Variants in EHMT1 observed in about 807,000 individuals in gnomAD.
The protein encoded by EHMT1 is histone-lysine N-methyltransferase EHMT1.
In EHMT1, 15 loss-of-function variants were observed where a neutral mutation model predicts 147.2. The ratio of observed to expected loss-of-function variants is 0.10; its 90% CI spans 0.07 to 0.16. The LOEUF (loss-of-function observed/expected upper bound fraction) is 0.16. Among genes scored for constraint, EHMT1 ranks in the 10% least tolerant of loss-of-function variants. The pLI is 1.00. For missense variants in EHMT1, 1,587 were observed against 1,772.4 expected (o/e 0.90, Z 1.88); for synonymous variants, 795 against 709.6 (o/e 1.12, Z -1.91).
intron 1 of EHMT1, among the ~76,000 whole-genome samples, chr9:137,675,938 T>C (rs1470880735): frequency 6.7e-6 from 1 of 149,128 alleles, no homozygotes; most frequent in Non-Finnish European, 1.5e-5. Context: ...CGCCCGCCAC[T>C]ACGCCCGGCT....
At chr9:137,671,876 A>G (rs1940700159) in intron 1 of EHMT1, among the ~76,000 whole-genome samples, 1 of 152,162 alleles carries the variant, frequency 6.6e-6, no homozygotes, top group Admixed American at 6.6e-5. Flanking sequence ...CCAACCCTGC[A>G]GTGCTGTGGT....
chr9:137,834,024 C>T (rs1956415994), intron 25 of EHMT1: 3 of 422,402 alleles, frequency 7.1e-6, no homozygotes, highest in Non-Finnish European at 1.3e-5. Flanking sequence ...CCCCATGGGT[C>T]CTCGGGTGGG....
rs1943843956 is a variant in EHMT1 at position 137,701,670 on chromosome 9, C to T, written c.22-9297C>T. On this transcript the variant is annotated intron_variant, in intron 1 of 26. Transcript: ENST00000460843. The stretch of plus-strand genomic sequence containing the variant: ...GAGATGGAGTTTTGCTCTTGTTGCC[C>T]AGGCTGGAGTGCAATGGTGTGATCT... Among the ~76,000 whole-genome samples the T allele has an allele frequency of 1.4e-5, 2 of 146,230 alleles. 1 individual carries two copies.
chr9:137,751,358 G>A (rs1948953251), intron 6 of EHMT1, among the ~76,000 whole-genome samples: 1 of 152,224 alleles, frequency 6.6e-6, no homozygotes, highest in Admixed American at 6.5e-5. Flanking sequence ...GTCTCGCTGT[G>A]TTGCCCAGGC....
At position 137,828,634 on chromosome 9, in the gene EHMT1, C is replaced by T. The variant is rs1271725781; in HGVS notation, c.3541-5715C>T. 6.6e-6 allele frequency among the ~76,000 whole-genome samples: 1 copy of T among 152,176 alleles called. No homozygotes were observed. The highest frequency in any genetic ancestry group is 1.5e-5 in the Non-Finnish European group (1 of 68,022). On this transcript the variant is annotated intron_variant, in intron 25 of 26. Transcript: ENST00000460843. The surrounding 1 kb of genome is among the most constrained non-coding windows in gnomAD (Gnocchi z 5.3). ...CGGGCAGCCACAGATCCCACACTCACGGCCCAAGTGACGCTTGGTGCAGAG... is the reference window on the plus strand; with the variant it reads ...CGGGCAGCCACAGATCCCACACTCATGGCCCAAGTGACGCTTGGTGCAGAG...
chr9:137,676,481 T>A (rs1941334945), intron 1 of EHMT1: 1 of 152,572 alleles, frequency 6.6e-6, no homozygotes, highest in Non-Finnish European at 1.5e-5. Flanking sequence ...TCCTCCTGCC[T>A]CAGCCTCTGA....
chr9:137,751,931 T>C (rs1949002331), intron 6 of EHMT1, among the ~76,000 whole-genome samples: 1 of 152,204 alleles, frequency 6.6e-6, no homozygotes, highest in South Asian at 2.1e-4. Context: ...GAAAATCTTT[T>C]TATGATTGTT....
chr9:137,713,263 A>ATTTTTTTTTTTTTTTTTTTTTTTTTT, intron 2 of EHMT1, among the ~76,000 whole-genome samples: 1 of 102,354 alleles, frequency 9.8e-6, no homozygotes, highest in Non-Finnish European at 2.0e-5. Flanking sequence ...CACCATGCTA[A>ATTTTTTTTTTTTTTTTTTTTTTTTTT]TTTTTTTTTT....
At chr9:137,669,687 G>A (rs542189489) in intron 1 of EHMT1, among the ~76,000 whole-genome samples, 1 of 151,282 alleles carries the variant, frequency 6.6e-6, no homozygotes, top group East Asian at 2.0e-4. Context: ...ACAGACTTGT[G>A]TCCCTATGTA....
At chr9:137,783,623 C>G (rs1166984789) in intron 15 of EHMT1, among the ~76,000 whole-genome samples, 1 of 152,238 alleles carries the variant, frequency 6.6e-6, no homozygotes, top group Admixed American at 6.5e-5. Flanking sequence ...GGCTTGTCAG[C>G]TGTAGGGTGA....
intron 1 of EHMT1, among the ~76,000 whole-genome samples, chr9:137,688,790 T>C (rs980242722): frequency 1.3e-5 from 2 of 152,216 alleles, no homozygotes; most frequent in African/African-American, 4.8e-5. Context: ...TCTCCTCGGT[T>C]GGTGTCATAT....
intron 1 of EHMT1, chr9:137,646,440 T>G (rs1844889447): frequency 1.0e-6 from 1 of 985,376 alleles, no homozygotes; most frequent in African/African-American, 1.7e-5. Flanking sequence ...GGCTGGAAAG[T>G]AAGAGGGCTG....
chr9:137,761,430 A>G (rs1949804246), intron 9 of EHMT1, among the ~76,000 whole-genome samples: 1 of 152,208 alleles, frequency 6.6e-6, no homozygotes, highest in Admixed American at 6.5e-5. Context: ...TTACTTTAAC[A>G]CTATATTTTT....
intron 17 of EHMT1, 34 bp downstream of exon 17, chr9:137,798,948 T>G (rs770823836): frequency 6.6e-7 from 1 of 1,526,358 alleles, no homozygotes; most frequent in South Asian, 1.1e-5. Context: ...CAGTACACTG[T>G]GTGGACTGGC....
intron 1 of EHMT1, among the ~76,000 whole-genome samples, chr9:137,662,068 C>T (rs1939142757): frequency 6.6e-6 from 1 of 152,176 alleles, no homozygotes; most frequent in Non-Finnish European, 1.5e-5. Context: ...TCCCAAAGTG[C>T]TGGGATTACA....
In EHMT1 at chr9:137,779,729, C is replaced by T; in HGVS notation, c.2275+12C>T. The T allele has an allele frequency of 6.2e-7, 1 of 1,613,116 alleles. No individual in the cohort carries two copies. Among genetic ancestry groups the T allele is most frequent in the Non-Finnish European group, 8.5e-7 (1 of 1,179,998 alleles). ...GCTCCTCATGCTGGGTAAGTGCCTT[C>T]CTGCGGCCCGGGCACATGCAGCCGG... On this transcript the variant is annotated intron_variant, in intron 14 of 26. Coordinates refer to ENST00000460843, the MANE Select transcript of EHMT1 (RefSeq NM_024757.5).
intron 3 of EHMT1, among the ~76,000 whole-genome samples, chr9:137,728,069 T>C (rs1029918552): frequency 1.3e-5 from 2 of 152,228 alleles, no homozygotes; most frequent in African/African-American, 4.8e-5. Flanking sequence ...CTGTTCCTCC[T>C]CCCTCCTGCT....
At position 137,804,607 on chromosome 9, in the gene EHMT1, A is replaced by G. The variant is rs573137614; in HGVS notation, c.2712+3623A>G. 1.5e-4 allele frequency among the ~76,000 whole-genome samples: 23 copies of G among 152,268 alleles called. No individual in the cohort carries two copies. The South Asian group carries it at 1.7e-3, about 11-fold the overall frequency. The stretch of plus-strand genomic sequence containing the variant: ...TTTATCAACGTTTTTCTTTATTTTT[A>G]ACTGGATCCTGTTTTTGGCGTTCTG... On this transcript the variant is annotated intron_variant, in intron 18 of 26. Coordinates refer to ENST00000460843, the MANE Select transcript of EHMT1 (RefSeq NM_024757.5).
At chr9:137,642,731 G>A (rs1434199437) in intron 1 of EHMT1, among the ~76,000 whole-genome samples, 1 of 152,102 alleles carries the variant, frequency 6.6e-6, no homozygotes, top group East Asian at 1.9e-4. Flanking sequence ...GCCCATCTAC[G>A]CAGATTTATA....
Sources: gnomAD v4.1 joint callset for allele counts (sites outside exome capture counted in the v4.1 genomes callset) on GRCh38, gnomAD v4.1.1 for gene constraint, Gnocchi (gnomAD v3.1) non-coding constraint, MANE v1.5 for transcripts, NCBI Gene and HGNC (gene_info 2026-07-23, HGNC 2026-07-21) for gene names.